The following CAST variants were observed in gnomAD, a reference collection of about 807,000 sequenced individuals.
CAST encodes the protein MIR583 host.
Under a neutral mutation model 119.6 loss-of-function variants are expected in CAST, and 76 were observed. The observed-to-expected ratio is 0.64, with a 90% CI of 0.53 to 0.77. The LOEUF (loss-of-function observed/expected upper bound fraction) is 0.77, where lower values mean the gene tolerates loss of function less well. Ranked by LOEUF, CAST falls within the 30% of genes least tolerant of loss-of-function variation. CAST has a pLI of 0.00. For synonymous variants in CAST, 319 were observed against 331.6 expected (o/e 0.96, Z 0.41); for missense variants, 953 against 946.5 (o/e 1.01, Z -0.09).
Position 96,759,224 on chromosome 5 carries a change from GA to G in CAST, c.1833+1573del, listed in dbSNP as rs1193893749. The stretch of plus-strand genomic sequence containing the variant: ...ATAGTTATTTAGTGGAAAGTTTCAA[GA>G]AATTTGGGGGAGAAGTATCACATAT... On this transcript the variant is annotated intron_variant, in intron 24 of 31. Coordinates refer to ENST00000675179, the MANE Select transcript of CAST (RefSeq NM_001750.7). Among the ~76,000 whole-genome samples, 5 of 152,136 alleles carry G rather than the reference GA, an allele frequency of 3.3e-5. No individual in the cohort carries two copies. In the East Asian group the frequency reaches 7.7e-4, roughly 23 times the overall value.
At chr5:95,962,860 GTT>G in the CAST span, among the ~76,000 whole-genome samples, 3 of 152,188 alleles carry the variant, frequency 2.0e-5, no homozygotes, top group African/African-American at 2.4e-5. Flanking sequence ...CCTAGCTAGG[GTT>G]TAAAGGTAAG....
chr5:96,246,561 C>T, the CAST span, among the ~76,000 whole-genome samples: 1 of 152,140 alleles, frequency 6.6e-6, no homozygotes, highest in Non-Finnish European at 1.5e-5. Flanking sequence ...GAAGAAATAG[C>T]CCACCTTTCT....
the CAST span, among the ~76,000 whole-genome samples, chr5:96,095,556 CAAA>C: frequency 3.8e-4 from 22 of 57,540 alleles, no homozygotes; most frequent in Non-Finnish European, 4.6e-4. Context: ...GACTCTGTTT[CAAA>C]AAAAAAAAAA....
intron 1 of CAST, among the ~76,000 whole-genome samples, chr5:96,672,828 G>A (rs573425847): frequency 4.8e-4 from 73 of 151,718 alleles, no homozygotes; most frequent in Non-Finnish European, 8.5e-4. Context: ...TTTTAAAATG[G>A]CTTTCTATTG....
At chr5:96,557,233 T>C (rs1210092928) in intron 1 of CAST, among the ~76,000 whole-genome samples, 1 of 151,956 alleles carries the variant, frequency 6.6e-6, no homozygotes, top group Non-Finnish European at 1.5e-5. Context: ...AAGGAACAAC[T>C]GGTACCAGCC....
chr5:96,252,020 G>A, the CAST span, among the ~76,000 whole-genome samples: 2 of 152,258 alleles, frequency 1.3e-5, no homozygotes, highest in East Asian at 3.9e-4. Flanking sequence ...AGAATGAAAT[G>A]TAAGGCCACA....
chr5:96,479,552 C>T, the CAST span, among the ~76,000 whole-genome samples: 4 of 150,850 alleles, frequency 2.7e-5, no homozygotes, highest in Non-Finnish European at 5.9e-5. Flanking sequence ...CAGGTTCAAG[C>T]GATTCTCCTG....
At chr5:96,271,278 G>A in the CAST span, among the ~76,000 whole-genome samples, 5 of 151,932 alleles carry the variant, frequency 3.3e-5, no homozygotes, top group African/African-American at 1.2e-4. Flanking sequence ...ACCACATAAG[G>A]CCTCAAATAG....
the CAST span, chr5:96,425,791 A>G: frequency 8.0e-7 from 1 of 1,244,734 alleles, no homozygotes; most frequent in Non-Finnish European, 1.2e-6. Flanking sequence ...CCCAGGTCCC[A>G]CCCACATAGT....
the CAST span, among the ~76,000 whole-genome samples, chr5:96,371,825 C>G: frequency 6.6e-6 from 1 of 152,020 alleles, no homozygotes; most frequent in Middle Eastern, 3.2e-3. Context: ...CAAAGACAAA[C>G]AGAAGAAAAA....
At chr5:96,089,326 T>C in the CAST span, among the ~76,000 whole-genome samples, 3 of 152,176 alleles carry the variant, frequency 2.0e-5, no homozygotes, top group Non-Finnish European at 4.4e-5. Context: ...AAAATGCACA[T>C]ACTCTTGAGG....
Position 96,740,592 on chromosome 5 carries a change from A to T in CAST, c.880-153A>T, listed in dbSNP as rs558326181. Reference sequence around the variant, plus strand: ...TTGATTCTATAAGGAACCTATCTCAAAATCAGGTCTCGTTTTGAGGTACTG... The same window carrying T: ...TTGATTCTATAAGGAACCTATCTCATAATCAGGTCTCGTTTTGAGGTACTG... On this transcript the variant is annotated intron_variant, in intron 12 of 31. Coordinates refer to ENST00000675179, the MANE Select transcript of CAST (RefSeq NM_001750.7). Among the ~76,000 whole-genome samples the T allele has an allele frequency of 2.0e-5, 3 of 152,266 alleles. No individual in the cohort carries two copies. The South Asian group carries it at 6.2e-4, about 32-fold the overall frequency.
intron 6 of CAST, among the ~76,000 whole-genome samples, chr5:96,727,898 A>G (rs1191977695): frequency 3.9e-5 from 6 of 152,200 alleles, no homozygotes; most frequent in African/African-American, 1.2e-4. Context: ...GACATCAAGA[A>G]TAAGGTGTCT....
chr5:96,656,597 T>C (rs1022373464), intron 1 of CAST, among the ~76,000 whole-genome samples: 11 of 152,224 alleles, frequency 7.2e-5, no homozygotes, highest in African/African-American at 2.7e-4. Context: ...GAAAGTTTTT[T>C]CCTCTATCTT....
At chr5:96,423,278 C>A in the CAST span, 4 of 1,583,966 alleles carry the variant, frequency 2.5e-6, no homozygotes, top group Non-Finnish European at 3.4e-6. Flanking sequence ...ACAGACAGCT[C>A]CCTAAGTCAC....
the CAST span, among the ~76,000 whole-genome samples, chr5:96,162,373 G>A: frequency 6.6e-6 from 1 of 152,128 alleles, no homozygotes; most frequent in South Asian, 2.1e-4. Context: ...ATGATCATGT[G>A]ATTTTTCTAC....
chr5:96,046,671 A>G, the CAST span, among the ~76,000 whole-genome samples: 1 of 152,198 alleles, frequency 6.6e-6, no homozygotes, highest in African/African-American at 2.4e-5. Context: ...ATATTTTACA[A>G]AAGAGTAATA....
At chr5:96,563,856 C>G (rs1398371079) in intron 1 of CAST, among the ~76,000 whole-genome samples, 1 of 152,182 alleles carries the variant, frequency 6.6e-6, no homozygotes, top group Admixed American at 6.5e-5. Flanking sequence ...AGCATCTGAT[C>G]TGATCTGCAG....
rs1016301721 is a variant in CAST, at chr5:96,561,207, T to TG, written c.60+31333dup. 2.9e-4 allele frequency among the ~76,000 whole-genome samples: 13 copies of TG among 45,012 alleles called. 1 individual carries two copies. The highest frequency in any genetic ancestry group is 2.7e-3 in the Admixed American group (12 of 4,392). The allele number at this position is 45,012 out of a possible 152,430, so 29.5% of individuals were successfully genotyped here. On this transcript the variant is annotated intron_variant, in intron 1 of 11. Transcript: ENST00000505143. ...TCACACACCAGGGCCTGTTGTGGGG[T>TG]GGGGGGAGGGGAGACGGATAGCATT...
Sources: allele counts gnomAD v4.1 joint callset (sites outside exome capture counted in the v4.1 genomes callset), GRCh38; gene constraint gnomAD v4.1.1; transcripts MANE v1.5; gene names NCBI Gene and HGNC (gene_info 2026-07-23, HGNC 2026-07-21).